The following CNTN4 variants were observed in gnomAD, a reference collection of about 807,000 sequenced individuals.
CNTN4 encodes contactin 4.
CNTN4 carries 77 observed loss-of-function variants against 122.5 expected under a neutral mutation model. That is an observed-to-expected ratio of 0.63 (90% CI 0.52 to 0.76). The LOEUF is 0.76. Ranked by LOEUF, CNTN4 falls within the 30% of genes least tolerant of loss-of-function variation. The probability of loss-of-function intolerance (pLI) is 0.00; values close to 1 mark genes in which losing one functional copy is unlikely to be tolerated. For synonymous variants in CNTN4, 512 were observed against 447.0 expected (o/e 1.15, Z -1.83); for missense variants, 1,256 against 1,259.1 (o/e 1.00, Z 0.04).
At chr3:2,395,863 AAAT>A (rs1282879725) in intron 3 of CNTN4, among the ~76,000 whole-genome samples, 2 of 152,204 alleles carry the variant, frequency 1.3e-5, no homozygotes, top group African/African-American at 4.8e-5. Flanking sequence ...TGTTCAATAA[AAAT>A]AATCTTTAAG....
At chr3:2,172,514 G>C (rs868106238) in intron 2 of CNTN4, among the ~76,000 whole-genome samples, 1 of 152,026 alleles carries the variant, frequency 6.6e-6, no homozygotes, top group African/African-American at 2.4e-5. Context: ...ACTTATCCAC[G>C]TAACCAAAAA....
At chr3:2,988,704 T>C (rs552562759) in intron 14 of CNTN4, 5 of 538,792 alleles carry the variant, frequency 9.3e-6, no homozygotes, top group South Asian at 6.2e-5. Flanking sequence ...TTGAGAATTA[T>C]AGCCATTGTA....
intron 3 of CNTN4, among the ~76,000 whole-genome samples, chr3:2,401,611 T>A (rs1363434904): frequency 6.6e-6 from 1 of 152,082 alleles, no homozygotes; most frequent in East Asian, 1.9e-4. Flanking sequence ...TTGAAGACAA[T>A]CTGAGTAATT....
At chr3:2,981,622 C>T (rs1404007579) in intron 13 of CNTN4, among the ~76,000 whole-genome samples, 11 of 151,770 alleles carry the variant, frequency 7.2e-5, no homozygotes, top group Admixed American at 6.6e-4. Context: ...GTAGAAGATC[C>T]AAATGGAAAG....
intron 3 of CNTN4, among the ~76,000 whole-genome samples, chr3:2,533,463 T>G (rs1050624284): frequency 6.7e-6 from 1 of 150,276 alleles, no homozygotes; most frequent in African/African-American, 2.5e-5. Context: ...GGACATGAAC[T>G]CATCCTTTTT....
rs532671473 is a variant in CNTN4 at position 2,791,714 on chromosome 3, G to A, written c.359-27772G>A. Among the ~76,000 whole-genome samples, 7 of 152,302 alleles carry A rather than the reference G, an allele frequency of 4.6e-5. No homozygotes were observed. In the East Asian group the frequency reaches 5.8e-4, roughly 13 times the overall value. Reference sequence around the variant, plus strand: ...AAATGTGTTCTTTTACGGTTCTAGAGACTAGAGATGAGATACCCGAAACTT... The same window carrying A: ...AAATGTGTTCTTTTACGGTTCTAGAAACTAGAGATGAGATACCCGAAACTT... On this transcript the variant is annotated intron_variant, in intron 6 of 24. Transcript: ENST00000418658.
intron 6 of CNTN4, among the ~76,000 whole-genome samples, chr3:2,796,463 A>G (rs2092185217): frequency 6.6e-6 from 1 of 152,132 alleles, no homozygotes; most frequent in Non-Finnish European, 1.5e-5. Flanking sequence ...TTTTAATTCT[A>G]TGGTACGGTT....
chr3:2,928,624 G>C (rs748080633), intron 13 of CNTN4, among the ~76,000 whole-genome samples: 3 of 152,090 alleles, frequency 2.0e-5, no homozygotes, highest in Non-Finnish European at 4.4e-5. Context: ...TTTAACCTTT[G>C]ATTAAAAATA....
intron 4 of CNTN4, among the ~76,000 whole-genome samples, chr3:2,734,737 C>A (rs1038784565): frequency 7.0e-6 from 1 of 143,322 alleles, no homozygotes; most frequent in Non-Finnish European, 1.5e-5. Context: ...CAACTTTATT[C>A]TTTTTTCTCA....
intron 6 of CNTN4, among the ~76,000 whole-genome samples, chr3:2,781,745 G>T (rs1221303307): frequency 2.3e-4 from 24 of 102,282 alleles, no homozygotes; most frequent in South Asian, 7.1e-4. Context: ...TTTTTTTTGA[G>T]ACGGAGTGTC....
chr3:2,656,689 T>C (rs1013132911), intron 4 of CNTN4, among the ~76,000 whole-genome samples: 1 of 152,242 alleles, frequency 6.6e-6, no homozygotes, highest in Non-Finnish European at 1.5e-5. Flanking sequence ...ATTAATTTTC[T>C]GAATGTGTAT....
intron 4 of CNTN4, among the ~76,000 whole-genome samples, chr3:2,576,175 T>G (rs1398620460): frequency 1.3e-5 from 2 of 152,158 alleles, no homozygotes; most frequent in Non-Finnish European, 2.9e-5. Context: ...CCTACTAGAC[T>G]GTAAGGTTTA....
At chr3:2,871,740 G>A (rs2093786810) in intron 8 of CNTN4, among the ~76,000 whole-genome samples, 1 of 152,076 alleles carries the variant, frequency 6.6e-6, no homozygotes, top group Admixed American at 6.6e-5. Flanking sequence ...AAGGCTGTTT[G>A]GGCTCTAGAT....
chr3:2,662,182 A>G (rs1333494810), intron 4 of CNTN4, among the ~76,000 whole-genome samples: 2 of 152,358 alleles, frequency 1.3e-5, no homozygotes, highest in East Asian at 1.9e-4. Context: ...GTCATGCACA[A>G]AAATAGGGGA....
At chr3:2,771,872 C>T (rs981598422) in intron 6 of CNTN4, among the ~76,000 whole-genome samples, 2 of 152,146 alleles carry the variant, frequency 1.3e-5, no homozygotes, top group East Asian at 3.9e-4. Flanking sequence ...CCAAGAGAGA[C>T]AGTGACTGAG....
At chr3:2,812,551 T>G (rs1221374584) in intron 6 of CNTN4, among the ~76,000 whole-genome samples, 1 of 149,100 alleles carries the variant, frequency 6.7e-6, no homozygotes, top group Non-Finnish European at 1.5e-5. Flanking sequence ...CTTATCAGGT[T>G]TGTTTTTTTT....
chr3:2,189,284 G>A (rs1559326219), intron 2 of CNTN4, among the ~76,000 whole-genome samples: 1 of 152,136 alleles, frequency 6.6e-6, no homozygotes, highest in African/African-American at 2.4e-5. Flanking sequence ...CACAATGTGA[G>A]GAGGTAGGGA....
chr3:2,675,229 C>G lies in CNTN4; in HGVS notation c.56-60986C>G, dbSNP rs189262121. Among the ~76,000 whole-genome samples the G allele has an allele frequency of 2.6e-5, 4 of 152,080 alleles. No homozygotes were observed. In the East Asian group the frequency reaches 7.8e-4, roughly 29 times the overall value. On this transcript the variant is annotated intron_variant, in intron 4 of 24. Coordinates refer to ENST00000418658, the MANE Select transcript of CNTN4 (RefSeq NM_175607.3). Reference sequence around the variant, plus strand: ...ATCTGGCCCTTCCTGCCTCTCCTCACCTTATCTCCTTCCATCTCCTCTCTT... The same window carrying G: ...ATCTGGCCCTTCCTGCCTCTCCTCAGCTTATCTCCTTCCATCTCCTCTCTT...
chr3:2,494,469 A>G (rs887714975), intron 3 of CNTN4, among the ~76,000 whole-genome samples: 1 of 152,164 alleles, frequency 6.6e-6, no homozygotes, highest in Admixed American at 6.5e-5. Context: ...TGTAGTTAAG[A>G]TAAGGGGCCT....
Sources: allele counts gnomAD v4.1 joint callset (sites outside exome capture counted in the v4.1 genomes callset), GRCh38; gene constraint gnomAD v4.1.1; transcripts MANE v1.5; gene names NCBI Gene and HGNC (gene_info 2026-07-23, HGNC 2026-07-21).